Variants in GPM6A observed in about 807,000 individuals in gnomAD.
GPM6A encodes neuronal membrane glycoprotein M6-a.
A neutral mutation model predicts 32.1 loss-of-function variants in GPM6A; 7 were observed. That is an observed-to-expected ratio of 0.22 (90% CI 0.12 to 0.41). GPM6A has a LOEUF of 0.41. Ranked by LOEUF, GPM6A falls within the 10% of genes least tolerant of loss-of-function variation. GPM6A has a pLI of 1.00. For missense variants in GPM6A, 235 were observed against 347.2 expected (o/e 0.68, Z 2.57); for synonymous variants, 130 against 123.4 (o/e 1.05, Z -0.35).
chr4:175,652,480 T>C (rs1318870783), intron 3 of GPM6A, among the ~76,000 whole-genome samples: 1 of 152,104 alleles, frequency 6.6e-6, no homozygotes, highest in Non-Finnish European at 1.5e-5. Flanking sequence ...CACATTAGTA[T>C]ATAATATTAG....
chr4:175,802,030 AG>A (rs1165906954), intron 1 of GPM6A, among the ~76,000 whole-genome samples: 3 of 152,050 alleles, frequency 2.0e-5, no homozygotes, highest in African/African-American at 4.8e-5. Flanking sequence ...AATCATTTGG[AG>A]GGGGTTCAAA....
intron 1 of GPM6A, among the ~76,000 whole-genome samples, chr4:175,966,257 C>T (rs959186903): frequency 6.6e-6 from 1 of 151,738 alleles, no homozygotes; most frequent in African/African-American, 2.4e-5. Context: ...CAAAAATTAG[C>T]CAGGCATGGT....
rs75476182 is a variant in GPM6A at position 175,885,279 on chromosome 4, G to A, written c.-22-73030C>T. Among the ~76,000 whole-genome samples the A allele has an allele frequency of 6.9e-3, 1,052 of 152,298 alleles. 10 individuals carry two copies. The highest frequency in any genetic ancestry group is 0.024 in the African/African-American group (1,008 of 41,554). ...TTAAGTGATGGAAACCAGACACAGC[G>A]AGTACACACTTTACATTTATAAAAG... On this transcript the variant is annotated intron_variant, in intron 1 of 7. Coordinates refer to the GPM6A transcript ENST00000280187.
intron 1 of GPM6A, among the ~76,000 whole-genome samples, chr4:175,849,131 G>A (rs970531839): frequency 2.0e-5 from 3 of 152,102 alleles, no homozygotes; most frequent in Non-Finnish European, 2.9e-5. Context: ...GACATATAAG[G>A]TATGTTTCCT....
intron 1 of GPM6A, among the ~76,000 whole-genome samples, chr4:175,960,924 A>G (rs1740143479): frequency 6.6e-6 from 1 of 152,248 alleles, no homozygotes. Flanking sequence ...CTTCCAAGAC[A>G]TAGCTACTTT....
At chr4:175,747,776 A>C (rs1259059900) in intron 1 of GPM6A, among the ~76,000 whole-genome samples, 2 of 151,340 alleles carry the variant, frequency 1.3e-5, no homozygotes, top group Non-Finnish European at 2.9e-5. Context: ...ATTTCTTAAA[A>C]TAAGACAACA....
intron 1 of GPM6A, among the ~76,000 whole-genome samples, chr4:175,909,314 C>G (rs912632044): frequency 5.3e-5 from 8 of 152,128 alleles, no homozygotes; most frequent in African/African-American, 1.9e-4. Context: ...CTTTCTCCAA[C>G]TGGCGCATTT....
At chr4:175,794,982 G>A (rs897471244) in intron 1 of GPM6A, among the ~76,000 whole-genome samples, 1 of 152,140 alleles carries the variant, frequency 6.6e-6, no homozygotes, top group African/African-American at 2.4e-5. Context: ...AATAGAAATT[G>A]GATGAAGAGA....
chr4:175,711,708 G>A (rs1560890270), intron 1 of GPM6A, among the ~76,000 whole-genome samples: 1 of 124,810 alleles, frequency 8.0e-6, no homozygotes, highest in Non-Finnish European at 1.6e-5. Context: ...AGAAGTTCTC[G>A]CTAGTTTGGG....
chr4:175,738,889 A>G (rs954657464), intron 1 of GPM6A, among the ~76,000 whole-genome samples: 2 of 152,138 alleles, frequency 1.3e-5, no homozygotes, highest in Admixed American at 1.3e-4. Flanking sequence ...ATACAAAGTT[A>G]TAGGTGGCGT....
intron 1 of GPM6A, among the ~76,000 whole-genome samples, chr4:175,774,824 A>G (rs1733328544): frequency 6.6e-6 from 1 of 152,116 alleles, no homozygotes; most frequent in Non-Finnish European, 1.5e-5. Context: ...ATAAAAACTT[A>G]TGCAAAACAG....
chr4:175,930,857 C>A (rs542230062), intron 1 of GPM6A, among the ~76,000 whole-genome samples: 7 of 152,116 alleles, frequency 4.6e-5, no homozygotes, highest in African/African-American at 1.7e-4. Flanking sequence ...TTATAAATAA[C>A]TATGTGGCAC....
At chr4:175,920,853 A>AAT (rs540384817) in intron 1 of GPM6A, among the ~76,000 whole-genome samples, 4,857 of 151,940 alleles carry the variant, frequency 0.032, 280 homozygotes, top group African/African-American at 0.11. Context: ...AAAAAAAAAA[A>AAT]ATGCTTTGAA....
rs149349837 is a variant in GPM6A, at chr4:175,996,951, G to C, written c.-23+5358C>G. ...ATAAGAATCTTTGCAGCTTCTGCTT[G>C]GGTTTTTTGGAACATTCATTCTTGG... On this transcript the variant is annotated intron_variant, in intron 1 of 7. Coordinates refer to the GPM6A transcript ENST00000280187. Among the ~76,000 whole-genome samples the C allele has an allele frequency of 4.6e-3, 703 of 152,006 alleles. 4 individuals carry two copies. Among genetic ancestry groups the C allele is most frequent in the African/African-American group, 0.016 (672 of 41,442 alleles).
At chr4:175,732,614 G>C (rs886268715) in intron 1 of GPM6A, among the ~76,000 whole-genome samples, 1 of 152,002 alleles carries the variant, frequency 6.6e-6, no homozygotes, top group Admixed American at 6.5e-5. Flanking sequence ...CTTTAAAAAC[G>C]TACAAATAAT....
At chr4:175,832,988 C>G (rs377235814) in intron 1 of GPM6A, among the ~76,000 whole-genome samples, 5 of 152,266 alleles carry the variant, frequency 3.3e-5, no homozygotes, top group African/African-American at 9.6e-5. Context: ...GCAGGAAATA[C>G]AATTGCCAAC....
intron 6 of GPM6A, among the ~76,000 whole-genome samples, chr4:175,637,743 AAAATAT>A (rs1297527038): frequency 0.056 from 3,684 of 65,426 alleles, 121 homozygotes; most frequent in Admixed American, 0.09. Context: ...ATATTATATA[AAAATAT>A]AATATATAAT....
intron 1 of GPM6A, among the ~76,000 whole-genome samples, chr4:175,872,930 T>C (rs2111441866): frequency 6.6e-6 from 1 of 152,252 alleles, no homozygotes; most frequent in Admixed American, 6.5e-5. Flanking sequence ...TAAATACTAA[T>C]TAACCTTCAT....
chr4:175,838,654 T>A (rs950688118), intron 1 of GPM6A, among the ~76,000 whole-genome samples: 1 of 129,156 alleles, frequency 7.7e-6, no homozygotes, highest in African/African-American at 2.8e-5. Context: ...ATTTTTTTTT[T>A]TTTTTTTTTT....
Sources: allele counts gnomAD v4.1 joint callset (sites outside exome capture counted in the v4.1 genomes callset), GRCh38; gene constraint gnomAD v4.1.1; transcripts MANE v1.5; gene names NCBI Gene and HGNC (gene_info 2026-07-23, HGNC 2026-07-21).